Variants in GHR observed in about 807,000 individuals in gnomAD.
GHR encodes growth hormone receptor, also known as GH receptor.
GHR carries 35 observed loss-of-function variants against 67.1 expected under a neutral mutation model. That is an observed-to-expected ratio of 0.52 (90% CI 0.40 to 0.69). GHR has a LOEUF of 0.69. Ranked by LOEUF, GHR falls within the 30% of genes least tolerant of loss-of-function variation. The pLI, the probability that GHR is intolerant of heterozygous loss-of-function variation, is 0.00. For synonymous variants in GHR, 272 were observed against 269.1 expected, an observed-to-expected ratio of 1.01 and a Z score of -0.10; for missense variants, 792 against 764.6, an observed-to-expected ratio of 1.04 and a Z score of -0.42.
chr5:42,460,780 TATATTA>T (rs1744456946), intron 1 of GHR, among the ~76,000 whole-genome samples: 1 of 152,202 alleles, frequency 6.6e-6, no homozygotes, highest in Non-Finnish European at 1.5e-5. Context: ...TAATGAAGGC[TATATTA>T]ATACCAAGTC....
At chr5:42,449,271 G>C (rs991175607) in intron 1 of GHR, among the ~76,000 whole-genome samples, 3 of 152,112 alleles carry the variant, frequency 2.0e-5, no homozygotes, top group South Asian at 4.1e-4. Flanking sequence ...ACAAGTGTGG[G>C]ATGTGTTTCC....
chr5:42,683,965 G>GT lies in GHR; in HGVS notation c.137-4914dup, dbSNP rs781000927. On this transcript the variant is annotated intron_variant, in intron 3 of 9. Coordinates refer to ENST00000230882, the MANE Select transcript of GHR (RefSeq NM_000163.5). ...CAGATTAGTTATTTTTTCTTTTTAA[G>GT]TTTTTTTTTTTGTTTCAGCTGACAA... is the stretch of plus-strand genomic sequence containing the variant. 6.6e-3 allele frequency among the ~76,000 whole-genome samples: 971 copies of GT among 146,166 alleles called. 4 individuals are homozygous for GT. The highest frequency in any genetic ancestry group is 8.6e-3 in the Non-Finnish European group (569 of 65,916).
rs372241393 is a variant in GHR at position 42,524,883 on chromosome 5, T to C, written c.-11-40981T>C. Among the ~76,000 whole-genome samples, 18 of 152,244 alleles carry C rather than the reference T, an allele frequency of 1.2e-4. 2 individuals carry two copies. The highest frequency in any genetic ancestry group is 3.8e-4 in the African/African-American group (16 of 41,560). ...CCAAGCCTTGGCAGCTTCCATATGGTATTGAGCCTGTGGGTGCACAAAAGT... is the reference window on the plus strand; with the variant it reads ...CCAAGCCTTGGCAGCTTCCATATGGCATTGAGCCTGTGGGTGCACAAAAGT... On this transcript the variant is annotated intron_variant, in intron 1 of 9. Transcript: ENST00000230882.
At chr5:42,672,863 A>G (rs992892666) in intron 3 of GHR, among the ~76,000 whole-genome samples, 2 of 152,150 alleles carry the variant, frequency 1.3e-5, no homozygotes, top group African/African-American at 4.8e-5. Flanking sequence ...TCAGCCTTGG[A>G]AAAGAATTTA....
At chr5:42,556,704 G>A (rs951933759) in intron 1 of GHR, among the ~76,000 whole-genome samples, 3 of 151,906 alleles carry the variant, frequency 2.0e-5, no homozygotes, top group African/African-American at 4.8e-5. Context: ...TTGTGAATCC[G>A]TTAGTGCACC....
At chr5:42,478,425 T>A (rs956023948) in intron 1 of GHR, among the ~76,000 whole-genome samples, 1 of 152,268 alleles carries the variant, frequency 6.6e-6, no homozygotes, top group South Asian at 2.1e-4. Flanking sequence ...GTGAAGAAAG[T>A]CATTGGTAGC....
chr5:42,497,520 C>T (rs13184352), intron 1 of GHR, among the ~76,000 whole-genome samples: 41,256 of 152,040 alleles, frequency 0.27, 6,065 homozygotes, highest in African/African-American at 0.31. Flanking sequence ...TGCCAAACTA[C>T]AGGCCACCTG....
At chr5:42,564,076 C>T (rs1054786844) in intron 1 of GHR, among the ~76,000 whole-genome samples, 1 of 151,510 alleles carries the variant, frequency 6.6e-6, no homozygotes, top group Admixed American at 6.6e-5. Context: ...AAAACCACAA[C>T]TCATATTTAT....
At chr5:42,452,081 T>C (rs1213346513) in intron 1 of GHR, among the ~76,000 whole-genome samples, 1 of 152,238 alleles carries the variant, frequency 6.6e-6, no homozygotes, top group African/African-American at 2.4e-5. Flanking sequence ...TAAGCAGTTC[T>C]TGTAGTGCTG....
intron 1 of GHR, among the ~76,000 whole-genome samples, chr5:42,516,703 T>C (rs1425914243): frequency 6.6e-6 from 1 of 152,206 alleles, no homozygotes; most frequent in Non-Finnish European, 1.5e-5. Flanking sequence ...AGAAGAGATA[T>C]ATAGACATCT....
chr5:42,711,767 A>C (rs1337991562), intron 7 of GHR, among the ~76,000 whole-genome samples: 1 of 152,134 alleles, frequency 6.6e-6, no homozygotes. Context: ...GTATGTATCT[A>C]TATGGATGGA....
At chr5:42,571,909 C>T (rs921889323) in intron 2 of GHR, among the ~76,000 whole-genome samples, 1 of 152,142 alleles carries the variant, frequency 6.6e-6, no homozygotes, top group Non-Finnish European at 1.5e-5. Context: ...TTCATAGACA[C>T]ACCTGGTTGT....
intron 2 of GHR, among the ~76,000 whole-genome samples, chr5:42,623,843 C>T (rs7727694): frequency 1.3e-5 from 2 of 152,130 alleles, no homozygotes; most frequent in Admixed American, 6.5e-5. Flanking sequence ...GACCACAGTT[C>T]GTAATGGTTT....
intron 1 of GHR, among the ~76,000 whole-genome samples, chr5:42,456,389 G>A: frequency 6.6e-6 from 1 of 152,166 alleles, no homozygotes; most frequent in South Asian, 2.1e-4. Context: ...AAGCTCTCAG[G>A]TGATATATTT....
chr5:42,445,666 A>G (rs1257998121), intron 1 of GHR, among the ~76,000 whole-genome samples: 1 of 152,236 alleles, frequency 6.6e-6, no homozygotes, highest in East Asian at 1.9e-4. Flanking sequence ...AAATATCAAG[A>G]GAGACTGCCT....
At chr5:42,536,189 C>T (rs1214277992) in intron 1 of GHR, among the ~76,000 whole-genome samples, 1 of 151,920 alleles carries the variant, frequency 6.6e-6, no homozygotes, top group Non-Finnish European at 1.5e-5. Context: ...GGCTAGGACT[C>T]CCAGTACTAT....
At chr5:42,477,661 T>G (rs1379050566) in intron 1 of GHR, among the ~76,000 whole-genome samples, 1 of 152,220 alleles carries the variant, frequency 6.6e-6, no homozygotes, top group African/African-American at 2.4e-5. Flanking sequence ...TCATGTGTTT[T>G]TTGGCTGCAT....
chr5:42,517,884 G>A (rs976723597), intron 1 of GHR, among the ~76,000 whole-genome samples: 5 of 151,674 alleles, frequency 3.3e-5, no homozygotes. Flanking sequence ...CCTGTCTGTT[G>A]CCATTGAGGG....
intron 1 of GHR, among the ~76,000 whole-genome samples, chr5:42,440,882 C>T (rs1033846597): frequency 6.6e-6 from 1 of 152,142 alleles, no homozygotes; most frequent in Admixed American, 6.5e-5. Flanking sequence ...TGGGCTTCTT[C>T]AACTGAGTGG....
Sources: allele counts gnomAD v4.1 joint callset (sites outside exome capture counted in the v4.1 genomes callset), GRCh38; gene constraint gnomAD v4.1.1; transcripts MANE v1.5; gene names NCBI Gene and HGNC (gene_info 2026-07-23, HGNC 2026-07-21).